WDR19: variants seen among roughly 807,000 people sequenced by gnomAD.
WDR19 encodes the protein WD repeat domain 19, also known as WD repeat-containing protein 19.
In WDR19, 121 loss-of-function variants were observed where a neutral mutation model predicts 180.0. The ratio of observed to expected loss-of-function variants is 0.67; its 90% CI spans 0.58 to 0.78. The LOEUF (loss-of-function observed/expected upper bound fraction) is 0.78, where lower values mean the gene tolerates loss of function less well. WDR19 is among the 30% of genes least tolerant of loss of function. The pLI, the probability that WDR19 is intolerant of heterozygous loss-of-function variation, is 0.00. For missense variants in WDR19, 1,450 were observed against 1,640.7 expected (o/e 0.88, Z 2.01); for synonymous variants, 497 against 540.7 (o/e 0.92, Z 1.12).
chr4:39,234,617 A>T (rs775898285), intron 19 of WDR19, 149 bp from the exon 20 acceptor site: 28 of 641,924 alleles, frequency 4.4e-5, no homozygotes, highest in Non-Finnish European at 7.2e-5. Context: ...GAGAATACAT[A>T]CTATAGTAAT....
intron 30 of WDR19, among the ~76,000 whole-genome samples, chr4:39,268,393 C>A (rs750137529): frequency 3.3e-5 from 5 of 152,172 alleles, no homozygotes; most frequent in Non-Finnish European, 7.3e-5. Flanking sequence ...CCCACAACCC[C>A]CTTCCTACAG....
At chr4:39,269,448 G>A (rs939026318) in intron 30 of WDR19, among the ~76,000 whole-genome samples, 5 of 152,206 alleles carry the variant, frequency 3.3e-5, no homozygotes, top group African/African-American at 1.2e-4. Context: ...ATGGCCTGGT[G>A]GACTTCAGGG....
At position 39,267,498 on chromosome 4, in the gene WDR19, A is replaced by C. The variant is rs371595552; in HGVS notation, c.3262-497A>C. ...GATGCTCGCAGCTGTCTAGAGTTGG[A>C]ATAGGAATGGAAAATGGCCAAAGGC... is the stretch of plus-strand genomic sequence containing the variant. On this transcript the variant is annotated intron_variant, in intron 29 of 36. Transcript: ENST00000399820. Among the ~76,000 whole-genome samples, 4 of 152,250 alleles carry C rather than the reference A, an allele frequency of 2.6e-5. No homozygotes were observed. The East Asian group carries it at 5.8e-4, about 22-fold the overall frequency.
In WDR19 at chr4:39,277,984, G is replaced by A. The variant is rs143257681; in HGVS notation, c.3841-147G>A. 1.2e-3 allele frequency: 757 copies of A among 654,012 alleles called. 11 individuals carry two copies. In the East Asian group the frequency reaches 0.02, roughly 17 times the overall value. The allele number at this position is 654,012 out of a possible 1,614,324, so 40.5% of individuals were successfully genotyped here. ...CAGAAGAATCGCTTGAACCCAGGAG[G>A]TGGAGGTTGCAGACAGCCAACAATG... On this transcript the variant is annotated intron_variant, in intron 34 of 36. Coordinates refer to ENST00000399820, the MANE Select transcript of WDR19 (RefSeq NM_025132.4).
chr4:39,202,939 A>G (rs1449409585), intron 6 of WDR19, among the ~76,000 whole-genome samples: 2 of 152,036 alleles, frequency 1.3e-5, no homozygotes, highest in African/African-American at 2.4e-5. Context: ...GTTCTGGGTT[A>G]GTTTTTTCCA....
At chr4:39,250,595 T>C (rs1733055151) in intron 24 of WDR19, among the ~76,000 whole-genome samples, 1 of 152,214 alleles carries the variant, frequency 6.6e-6, no homozygotes, top group Admixed American at 6.5e-5. Context: ...CATGATTGTA[T>C]ATCTAGAAAA....
chr4:39,231,234 C>T (rs758905251), intron 17 of WDR19, among the ~76,000 whole-genome samples: 2 of 150,934 alleles, frequency 1.3e-5, no homozygotes, highest in Non-Finnish European at 2.9e-5. Flanking sequence ...TAACTTGAAC[C>T]CAGGAGGCCG....
chr4:39,194,422 A>C (rs776190173), intron 4 of WDR19, 122 bp from the exon 5 acceptor site: 1 of 577,808 alleles, frequency 1.7e-6, no homozygotes, highest in Non-Finnish European at 3.0e-6. Flanking sequence ...TAAAGCATTA[A>C]GTTGTATTTT....
intron 14 of WDR19, among the ~76,000 whole-genome samples, chr4:39,220,038 G>A (rs1729486258): frequency 6.6e-6 from 1 of 151,934 alleles, no homozygotes; most frequent in Non-Finnish European, 1.5e-5. Context: ...GGGCAACATG[G>A]CGACACCCCC....
chr4:39,274,133 C>G (rs1406600173), intron 32 of WDR19: 1 of 152,206 alleles, frequency 6.6e-6, no homozygotes, highest in Middle Eastern at 3.4e-3. Context: ...TTTTTTCAAC[C>G]ATTTAAAAAT....
At chr4:39,227,303 T>C (rs985332535) in intron 15 of WDR19, among the ~76,000 whole-genome samples, 7 of 152,200 alleles carry the variant, frequency 4.6e-5, no homozygotes, top group Non-Finnish European at 1.0e-4. Flanking sequence ...CAGTTCCCTA[T>C]TCAGGATATA....
intron 9 of WDR19, among the ~76,000 whole-genome samples, chr4:39,206,977 A>C (rs1324425423): frequency 6.6e-6 from 1 of 152,214 alleles, no homozygotes; most frequent in African/African-American, 2.4e-5. Flanking sequence ...ACCCCAAATT[A>C]CTTGACATAT....
intron 24 of WDR19, among the ~76,000 whole-genome samples, chr4:39,247,237 G>A (rs1192313205): frequency 2.0e-5 from 3 of 152,160 alleles, no homozygotes; most frequent in Admixed American, 2.0e-4. Context: ...TGATACCCAG[G>A]CAAACAGGGT....
chr4:39,220,891 T>G (rs1729630381), intron 14 of WDR19, among the ~76,000 whole-genome samples: 1 of 145,766 alleles, frequency 6.9e-6, no homozygotes, highest in South Asian at 2.2e-4. Flanking sequence ...TTTTTTTTTT[T>G]TTTTGATGGG....
At chr4:39,215,475 AG>A (rs1337247666) in intron 10 of WDR19, among the ~76,000 whole-genome samples, 1 of 152,182 alleles carries the variant, frequency 6.6e-6, no homozygotes, top group African/African-American at 2.4e-5. Context: ...CTTATAGCCT[AG>A]GAGCAATAGG....
At chr4:39,249,038 C>G (rs1238783816) in intron 24 of WDR19, among the ~76,000 whole-genome samples, 1 of 152,190 alleles carries the variant, frequency 6.6e-6, no homozygotes, top group Non-Finnish European at 1.5e-5. Context: ...CACCCCAAAT[C>G]AACAGAATAT....
rs1287480075 is a variant in WDR19, at chr4:39,270,043, A to G, written c.3426A>G (p.Lys1142=). Residue 1142 remains lysine (K), a synonymous_variant, in exon 31 of 37, where the codon AAA becomes AAG. Coordinates refer to ENST00000399820, the MANE Select transcript of WDR19 (RefSeq NM_025132.4). ...MYAELKSQKI[K]IPSEMATNLM... ...CAGAACTGAAATCCCAGAAGATCAA[A>G]ATTCCCTCCGAGATGGCCACCAACC... 3.7e-6 allele frequency: 6 copies of G among 1,613,738 alleles called. No individual in the cohort carries two copies. The highest frequency in any genetic ancestry group is 5.1e-6 in the Non-Finnish European group (6 of 1,179,862).
At chr4:39,228,804 ATT>A (rs869038750) in intron 17 of WDR19, 114 bp downstream of exon 17, 2,062 of 949,680 alleles carry the variant, frequency 2.2e-3, no homozygotes, top group South Asian at 3.4e-3. Context: ...CCTTGCAAGA[ATT>A]TTTTTTTTTT....
At chr4:39,226,137 TAGAC>T (rs939951092) in intron 15 of WDR19, among the ~76,000 whole-genome samples, 58 of 133,452 alleles carry the variant, frequency 4.3e-4, no homozygotes, top group African/African-American at 1.5e-3. Flanking sequence ...AACTGTGGCT[TAGAC>T]AGAATATACA....
Sources: allele counts gnomAD v4.1 joint callset (sites outside exome capture counted in the v4.1 genomes callset), GRCh38; gene constraint gnomAD v4.1.1; transcripts MANE v1.5; gene names NCBI Gene and HGNC (gene_info 2026-07-23, HGNC 2026-07-21).